The following RUFY1 variants were observed in gnomAD, a reference collection of about 807,000 sequenced individuals.
RUFY1 encodes the protein RUN and FYVE domain containing 1.
Under a neutral mutation model 94.6 loss-of-function variants are expected in RUFY1, and 54 were observed. The observed-to-expected ratio is 0.57, with a 90% CI of 0.46 to 0.72. The LOEUF is 0.72. Among genes scored for constraint, RUFY1 ranks in the 30% least tolerant of loss-of-function variants. The pLI, the probability that RUFY1 is intolerant of heterozygous loss-of-function variation, is 0.00. For synonymous variants in RUFY1, 396 were observed against 347.3 expected, an observed-to-expected ratio of 1.14 and a Z score of -1.56; for missense variants, 883 against 883.9, an observed-to-expected ratio of 1.00 and a Z score of 0.01.
In RUFY1 at chr5:179,550,650, G is replaced by T. The variant is rs781524581; in HGVS notation, c.81G>T (p.Gly27=). Residue 27 remains glycine, a synonymous_variant, in exon 1 of 18, where the codon GGG becomes GGT. Coordinates refer to ENST00000319449, the MANE Select transcript of RUFY1 (RefSeq NM_025158.5). The part of the protein sequence containing the change: ...EPELEPGPGP[G]SALEPGEEFE... Reference sequence around the variant, plus strand: ...AGCTGGAGCCGGGGCCGGGGCCCGGGTCAGCGCTTGAGCCGGGAGAAGAGT... The same window carrying T: ...AGCTGGAGCCGGGGCCGGGGCCCGGTTCAGCGCTTGAGCCGGGAGAAGAGT... 5 of 1,451,402 alleles carry T rather than the reference G, an allele frequency of 3.4e-6. No homozygotes were observed. The highest frequency in any genetic ancestry group is 4.5e-6 in the Non-Finnish European group (5 of 1,109,504). 89.9% of individuals were successfully genotyped at this position (1,451,402 alleles called of 1,614,324 possible).
At chr5:179,597,771 A>G (rs1443095308) in intron 13 of RUFY1, among the ~76,000 whole-genome samples, 3 of 152,232 alleles carry the variant, frequency 2.0e-5, no homozygotes, top group African/African-American at 7.2e-5. Flanking sequence ...AGCAGACTCC[A>G]GGCGGTCCAG....
chr5:179,559,893 C>T (rs1762307857), intron 1 of RUFY1, 132 bp from the exon 2 acceptor site: 4 of 1,431,292 alleles, frequency 2.8e-6, no homozygotes, highest in Admixed American at 2.7e-5. Context: ...CCCGGTTGCC[C>T]GCCCGCCAGC....
intron 1 of RUFY1, among the ~76,000 whole-genome samples, chr5:179,557,170 T>A (rs532758333): frequency 3.7e-4 from 57 of 152,262 alleles, no homozygotes; most frequent in Middle Eastern, 3.4e-3. Flanking sequence ...GGCTCATGCC[T>A]GTAATCCCAG....
At chr5:179,602,187 G>A in intron 15 of RUFY1, 2 of 567,672 alleles carry the variant, frequency 3.5e-6, no homozygotes, top group Non-Finnish European at 6.4e-6. Flanking sequence ...TGGGGTGTCA[G>A]CGAGCTCTTA....
intron 5 of RUFY1, 42 bp downstream of exon 5, chr5:179,569,467 C>T: frequency 1.9e-6 from 3 of 1,602,038 alleles, no homozygotes; most frequent in Non-Finnish European, 2.6e-6. Context: ...TTTCGTTAGT[C>T]CAGGGACTTT....
At chr5:179,576,801 AAAT>A (rs771164028) in intron 5 of RUFY1, among the ~76,000 whole-genome samples, 8 of 152,326 alleles carry the variant, frequency 5.3e-5, no homozygotes, top group East Asian at 3.9e-4. Flanking sequence ...TGATCTTTGT[AAAT>A]AATGTGATTA....
At chr5:179,591,478 C>G in intron 9 of RUFY1, 147 bp from the exon 10 acceptor site, 1 of 605,302 alleles carries the variant, frequency 1.7e-6, no homozygotes. Flanking sequence ...GCCAATGCGC[C>G]CAGCCAAGTT....
At position 179,559,505 on chromosome 5, in the gene RUFY1, C is replaced by G. The variant is rs570227618; in HGVS notation, c.311-520C>G. Among the ~76,000 whole-genome samples, 114 of 152,320 alleles carry G rather than the reference C, an allele frequency of 7.5e-4. 1 individual carries two copies. In the South Asian group the frequency reaches 0.023, roughly 31 times the overall value. On this transcript the variant is annotated intron_variant, in intron 1 of 17. Coordinates refer to ENST00000319449, the MANE Select transcript of RUFY1 (RefSeq NM_025158.5). ...CGGCAAGAGAGAAGGCTGGAAAAGC[C>G]TTCTGGGCGGGGTGCGCATCCTCCT...
chr5:179,606,173 A>G, intron 16 of RUFY1: 1 of 561,530 alleles, frequency 1.8e-6, no homozygotes, highest in East Asian at 3.0e-5. Context: ...CTTTCAAAAT[A>G]GGCCTGATGG....
chr5:179,564,916 T>G (rs199878843), intron 3 of RUFY1, among the ~76,000 whole-genome samples: 2 of 152,210 alleles, frequency 1.3e-5, no homozygotes, highest in Middle Eastern at 6.8e-3. Flanking sequence ...TGTACTGATA[T>G]GGAAAGATTT....
chr5:179,597,734 G>A (rs1468315652), intron 13 of RUFY1, among the ~76,000 whole-genome samples: 1 of 150,804 alleles, frequency 6.6e-6, no homozygotes, highest in Non-Finnish European at 1.5e-5. Flanking sequence ...GAAGAGAGAA[G>A]AGACATCTTT....
chr5:179,592,106 G>A (rs1476989855), intron 10 of RUFY1, among the ~76,000 whole-genome samples: 15 of 151,560 alleles, frequency 9.9e-5, no homozygotes, highest in Non-Finnish European at 1.8e-4. Flanking sequence ...CACCACACCC[G>A]GCTAATTTTT....
intron 17 of RUFY1, chr5:179,608,539 GCAGCAAAGAGAACGAACCAGACTCTTC>G (rs1767349975): frequency 1.0e-6 from 1 of 985,512 alleles, no homozygotes; most frequent in Non-Finnish European, 1.2e-6. Flanking sequence ...CCCTTGGAAT[GCAGCAAAGAGAACGAACCAGACTCTTC>G]CTGTAACATG....
chr5:179,554,536 CAA>C (rs1267647483), intron 1 of RUFY1, among the ~76,000 whole-genome samples: 1 of 137,542 alleles, frequency 7.3e-6, no homozygotes. Context: ...AACTTTGTCT[CAA>C]AAAAAAAAAG....
intron 1 of RUFY1, among the ~76,000 whole-genome samples, chr5:179,553,293 C>A (rs1460715535): frequency 1.3e-5 from 2 of 152,180 alleles, no homozygotes; most frequent in Non-Finnish European, 2.9e-5. Flanking sequence ...AGGGAAGTTG[C>A]AATCCATTAG....
Position 179,596,587 on chromosome 5 carries a change from CAG to C in RUFY1, c.1538_1539del (p.Gln513ArgfsTer3). On this transcript the variant is annotated frameshift_variant, in exon 13 of 18. Transcript: ENST00000319449. LOFTEE classifies it high-confidence loss of function. The part of the protein sequence containing the change: ...ERLQHSERAR[Q>X]GAEERSHKLQ... ...GTTGCAGCACTCGGAGCGGGCGAGG[CAG>C]GGGGCTGAGGAGCGGAGCCACAAGC... The C allele has an allele frequency of 6.2e-7, 1 of 1,613,558 alleles. No homozygotes were observed. The highest frequency in any genetic ancestry group is 8.5e-7 in the Non-Finnish European group (1 of 1,179,982).
At chr5:179,589,095 C>CGGTA (rs1764836302) in intron 8 of RUFY1, among the ~76,000 whole-genome samples, 1 of 151,996 alleles carries the variant, frequency 6.6e-6, no homozygotes, top group Non-Finnish European at 1.5e-5. Flanking sequence ...GAGAGCATAC[C>CGGTA]ATATAACCTT....
intron 3 of RUFY1, among the ~76,000 whole-genome samples, chr5:179,564,741 T>C (rs893709941): frequency 2.6e-5 from 4 of 151,248 alleles, no homozygotes; most frequent in Non-Finnish European, 5.9e-5. Flanking sequence ...CATTTTATCC[T>C]ACACATGTAA....
chr5:179,596,563 T>C lies in RUFY1; in HGVS notation c.1513T>C (p.Leu505=), dbSNP rs866050458. 4.3e-6 allele frequency: 7 copies of C among 1,613,594 alleles called. No individual in the cohort carries two copies. The African/African-American group carries it at 8.0e-5, about 18-fold the overall frequency. The part of the protein sequence containing the change: ...MSSMKQMEER[L]QHSERARQGA... The stretch of plus-strand genomic sequence containing the variant: ...CACTCTTGCTGGTGTCGCATCCAGG[T>C]TGCAGCACTCGGAGCGGGCGAGGCA... Residue 505 remains leucine, a splice_region_variant and synonymous_variant, in exon 13 of 18, where the codon TTG becomes CTG. Coordinates refer to ENST00000319449, the MANE Select transcript of RUFY1 (RefSeq NM_025158.5).
Sources: gnomAD v4.1 joint callset for allele counts (sites outside exome capture counted in the v4.1 genomes callset) on GRCh38, gnomAD v4.1.1 for gene constraint, MANE v1.5 for transcripts, NCBI Gene and HGNC (gene_info 2026-07-23, HGNC 2026-07-21) for gene names.